CACNA1C: variants seen among roughly 807,000 people sequenced by gnomAD.
CACNA1C encodes calcium voltage-gated channel subunit alpha1 C.
A neutral mutation model predicts 229.0 loss-of-function variants in CACNA1C; 30 were observed. The observed-to-expected ratio is 0.13, with a 90% confidence interval of 0.10 to 0.18. The LOEUF (loss-of-function observed/expected upper bound fraction) is 0.18, where lower values mean the gene tolerates loss of function less well. CACNA1C is among the 10% of genes least tolerant of loss of function. The pLI, the probability that CACNA1C is intolerant of heterozygous loss-of-function variation, is 1.00. For synonymous variants in CACNA1C, 1,114 were observed against 1,132.5 expected (o/e 0.98, Z 0.33); for missense variants, 1,658 against 2,845.0 (o/e 0.58, Z 9.49).
chr12:2,061,756 G>T (rs1186338586), intron 1 of CACNA1C, among the ~76,000 whole-genome samples: 1 of 152,178 alleles, frequency 6.6e-6, no homozygotes, highest in Admixed American at 6.5e-5. Context: ...ACACCACCTG[G>T]GCAACCAATG....
chr12:2,617,687 G>A (rs1211196027), intron 29 of CACNA1C, among the ~76,000 whole-genome samples: 1 of 152,176 alleles, frequency 6.6e-6, no homozygotes, highest in East Asian at 1.9e-4. Context: ...AGAAATCTTT[G>A]GGGATACCCT....
intron 3 of CACNA1C, among the ~76,000 whole-genome samples, chr12:2,401,603 G>C (rs1244238016): frequency 1.3e-5 from 2 of 152,188 alleles, no homozygotes; most frequent in African/African-American, 4.8e-5. Flanking sequence ...AGCCAGACTG[G>C]CTGGTGTGAT....
At chr12:2,450,578 A>AC (rs58867074) in intron 4 of CACNA1C, among the ~76,000 whole-genome samples, 2 of 149,708 alleles carry the variant, frequency 1.3e-5, no homozygotes, top group Admixed American at 6.7e-5. Flanking sequence ...AAAAAAAAAA[A>AC]CGCAGGTGAT....
intron 29 of CACNA1C, among the ~76,000 whole-genome samples, chr12:2,625,367 T>G (rs996007250): frequency 3.3e-5 from 5 of 152,188 alleles, no homozygotes; most frequent in African/African-American, 1.2e-4. Flanking sequence ...GGAAGGAAAC[T>G]GGAACACACC....
chr12:2,636,799 A>G (rs2092776377), intron 30 of CACNA1C, among the ~76,000 whole-genome samples: 1 of 152,234 alleles, frequency 6.6e-6, no homozygotes, highest in Non-Finnish European at 1.5e-5. Context: ...ATCTTAAATA[A>G]GCACAGGGTT....
At chr12:2,303,863 T>C (rs1038324872) in intron 3 of CACNA1C, among the ~76,000 whole-genome samples, 1 of 152,220 alleles carries the variant, frequency 6.6e-6, no homozygotes. Context: ...CCTGTGTGTT[T>C]CCCACAGGTT....
chr12:2,607,659 G>A (rs1031065140), intron 26 of CACNA1C, among the ~76,000 whole-genome samples: 4 of 152,258 alleles, frequency 2.6e-5, no homozygotes, highest in Admixed American at 2.0e-4. Context: ...GAGGCAATGC[G>A]TTTGTGCGTA....
chr12:2,339,653 TG>T (rs1348318259), intron 3 of CACNA1C, among the ~76,000 whole-genome samples: 2 of 152,224 alleles, frequency 1.3e-5, no homozygotes, highest in African/African-American at 2.4e-5. Flanking sequence ...GTAAATTTTT[TG>T]TTAAGAAGTA....
At chr12:2,018,692 T>C (rs1429797440) in intron 1 of CACNA1C, among the ~76,000 whole-genome samples, 2 of 152,294 alleles carry the variant, frequency 1.3e-5, no homozygotes, top group East Asian at 1.9e-4. Context: ...CTCAACTAAT[T>C]TGGGAAGAAA....
chr12:2,228,338 CTTCT>C (rs1392573839), intron 3 of CACNA1C, among the ~76,000 whole-genome samples: 1 of 152,194 alleles, frequency 6.6e-6, no homozygotes, highest in Non-Finnish European at 1.5e-5. Flanking sequence ...AAAGTAGGTA[CTTCT>C]TTATCTTACA....
chr12:2,538,639 G>A (rs1204978238), intron 9 of CACNA1C, among the ~76,000 whole-genome samples: 7 of 152,196 alleles, frequency 4.6e-5, no homozygotes, highest in Admixed American at 6.5e-5. Flanking sequence ...AGGCCAAGGC[G>A]AGGACTGTCT....
intron 3 of CACNA1C, among the ~76,000 whole-genome samples, chr12:2,180,543 A>G (rs2096803715): frequency 6.6e-6 from 1 of 152,202 alleles, no homozygotes; most frequent in African/African-American, 2.4e-5. Context: ...GGTTTTCCCC[A>G]CTTCTCTTGT....
intron 3 of CACNA1C, among the ~76,000 whole-genome samples, chr12:2,435,547 A>G (rs1251842184): frequency 6.6e-6 from 1 of 152,058 alleles, no homozygotes; most frequent in East Asian, 1.9e-4. Flanking sequence ...GGGCAGGGGG[A>G]AGGGTTGCCC....
intron 3 of CACNA1C, among the ~76,000 whole-genome samples, chr12:2,166,865 T>C (rs927119961): frequency 6.6e-6 from 1 of 152,138 alleles, no homozygotes; most frequent in Non-Finnish European, 1.5e-5. Flanking sequence ...GGCTTCTGAG[T>C]GTGGGAGTGT....
At chr12:2,035,191 T>C (rs75442877) in intron 1 of CACNA1C, among the ~76,000 whole-genome samples, 7,856 of 152,272 alleles carry the variant, frequency 0.052, 274 homozygotes, top group Middle Eastern at 0.078. Context: ...CAAGGCACGT[T>C]CTCCTGCTGC....
chr12:2,284,408 ATGAATGAGAAGAGCCAC>A (rs2092270260), intron 3 of CACNA1C, among the ~76,000 whole-genome samples: 1 of 151,972 alleles, frequency 6.6e-6, no homozygotes, highest in East Asian at 1.9e-4. Context: ...CCAAGATGGA[ATGAATGAGAAGAGCCAC>A]TGAAAGGAAG....
chr12:2,523,806 G>C (rs2099814106), intron 9 of CACNA1C, among the ~76,000 whole-genome samples: 1 of 152,204 alleles, frequency 6.6e-6, no homozygotes. Context: ...GAATCATCCT[G>C]AGTTTCCCTT....
At chr12:2,660,211 A>C (rs1327884023) in intron 34 of CACNA1C, 1 of 152,320 alleles carries the variant, frequency 6.6e-6, no homozygotes, top group Non-Finnish European at 1.5e-5. Flanking sequence ...GCAGAAGGAA[A>C]GCACAGATTG....
chr12:2,525,896 C>G (rs1263956820), intron 9 of CACNA1C, among the ~76,000 whole-genome samples: 1 of 152,168 alleles, frequency 6.6e-6, no homozygotes, highest in South Asian at 2.1e-4. Flanking sequence ...CACTTTGTGT[C>G]GATGCCACAC....
Sources: allele counts gnomAD v4.1 joint callset (sites outside exome capture counted in the v4.1 genomes callset), GRCh38; gene constraint gnomAD v4.1.1; transcripts MANE v1.5; gene names NCBI Gene and HGNC (gene_info 2026-07-23, HGNC 2026-07-21).